CADM2: variants seen among roughly 807,000 people sequenced by gnomAD.
CADM2 encodes the protein immunoglobulin superfamily member 4D.
A neutral mutation model predicts 49.8 loss-of-function variants in CADM2; 12 were observed. The ratio of observed to expected loss-of-function variants is 0.24; its 90% CI spans 0.15 to 0.39. The LOEUF (loss-of-function observed/expected upper bound fraction) is 0.39. Ranked by LOEUF, CADM2 falls within the 10% of genes least tolerant of loss-of-function variation. CADM2 has a pLI of 1.00. For missense variants in CADM2, 378 were observed against 492.3 expected (o/e 0.77, Z 2.20); for synonymous variants, 214 against 175.4 (o/e 1.22, Z -1.74).
intron 5 of CADM2, among the ~76,000 whole-genome samples, chr3:85,910,053 C>A (rs1317686979): frequency 6.6e-6 from 1 of 152,082 alleles, no homozygotes; most frequent in Non-Finnish European, 1.5e-5. Flanking sequence ...TGAATTAGTT[C>A]ATTAAAATTT....
At chr3:85,500,655 C>G (rs973313995) in intron 1 of CADM2, among the ~76,000 whole-genome samples, 3 of 151,842 alleles carry the variant, frequency 2.0e-5, no homozygotes, top group African/African-American at 7.3e-5. Context: ...GTAGCTAGGA[C>G]TACAGGTGCC....
chr3:86,016,994 T>A (rs937510939), intron 8 of CADM2, among the ~76,000 whole-genome samples: 1 of 151,818 alleles, frequency 6.6e-6, no homozygotes, highest in Non-Finnish European at 1.5e-5. Flanking sequence ...AAGAAGAAAA[T>A]CAATCCAATA....
rs528996526 is a variant in CADM2 at position 85,168,661 on chromosome 3, G to A, written c.61+208993G>A. Among the ~76,000 whole-genome samples the A allele has an allele frequency of 2.0e-5, 3 of 152,188 alleles. No homozygotes were observed. In the South Asian group the frequency reaches 6.2e-4, roughly 32 times the overall value. On this transcript the variant is annotated intron_variant, in intron 1 of 9. Coordinates refer to ENST00000383699, the MANE Select transcript of CADM2 (RefSeq NM_001167675.2). Reference sequence around the variant, plus strand: ...TATCTAATCTGTAATTTGCCATGGTGATACTTTCACCCAAGCCAATATATA... The same window carrying A: ...TATCTAATCTGTAATTTGCCATGGTAATACTTTCACCCAAGCCAATATATA...
At chr3:85,289,713 TA>T (rs1478845098) in intron 1 of CADM2, among the ~76,000 whole-genome samples, 1 of 152,128 alleles carries the variant, frequency 6.6e-6, no homozygotes, top group Non-Finnish European at 1.5e-5. Flanking sequence ...TAAAATTTAT[TA>T]AAAAAATTGC....
At chr3:85,345,119 C>A (rs2030450820) in intron 1 of CADM2, among the ~76,000 whole-genome samples, 1 of 151,658 alleles carries the variant, frequency 6.6e-6, no homozygotes, top group African/African-American at 2.4e-5. Flanking sequence ...AGTTCGAGAG[C>A]AGCCTGGACA....
chr3:85,132,999 G>C (rs1018582267), intron 1 of CADM2, among the ~76,000 whole-genome samples: 2 of 152,094 alleles, frequency 1.3e-5, no homozygotes, highest in Non-Finnish European at 2.9e-5. Context: ...TTCGTGGTCT[G>C]GCTGGCTCAG....
chr3:84,961,137 C>A (rs2030468120), intron 1 of CADM2, among the ~76,000 whole-genome samples: 1 of 152,110 alleles, frequency 6.6e-6, no homozygotes, highest in Admixed American at 6.5e-5. Flanking sequence ...CACGTAGACT[C>A]ACTGGCGTGC....
intron 1 of CADM2, among the ~76,000 whole-genome samples, chr3:85,065,285 A>C (rs1159224024): frequency 6.6e-6 from 1 of 152,116 alleles, no homozygotes; most frequent in Non-Finnish European, 1.5e-5. Flanking sequence ...TTCTTAAAAA[A>C]CAATTATTTT....
At chr3:85,415,978 A>G (rs563392778) in intron 1 of CADM2, among the ~76,000 whole-genome samples, 13 of 152,260 alleles carry the variant, frequency 8.5e-5, no homozygotes, top group African/African-American at 3.1e-4. Flanking sequence ...AGTAATGCCA[A>G]TGCAATTTAG....
chr3:85,234,558 A>T (rs1373591769), intron 1 of CADM2, among the ~76,000 whole-genome samples: 2 of 152,122 alleles, frequency 1.3e-5, no homozygotes, highest in African/African-American at 4.8e-5. Flanking sequence ...TGTATGTATA[A>T]ATATGTAGTC....
At chr3:85,062,144 C>T (rs1321875616) in intron 1 of CADM2, among the ~76,000 whole-genome samples, 1 of 151,228 alleles carries the variant, frequency 6.6e-6, no homozygotes, top group African/African-American at 2.4e-5. Flanking sequence ...CTCTTGCTTC[C>T]GGTACACAAC....
rs1158119603 is a variant in CADM2 at position 85,606,187 on chromosome 3, AT to A, written c.62-120333del. ...TAATCCCTACTTTATATAAAAGGAA[AT>A]TGTGGAGCTGTTAACTCAATGAGTG... On this transcript the variant is annotated intron_variant, in intron 1 of 9. Coordinates refer to ENST00000383699, the MANE Select transcript of CADM2 (RefSeq NM_001167675.2). Among the ~76,000 whole-genome samples the A allele has an allele frequency of 2.6e-5, 4 of 152,254 alleles. No individual in the cohort carries two copies. In the East Asian group the frequency reaches 7.7e-4, roughly 29 times the overall value.
chr3:85,103,547 A>C (rs1343668475), intron 1 of CADM2, among the ~76,000 whole-genome samples: 1 of 152,196 alleles, frequency 6.6e-6, no homozygotes, highest in Non-Finnish European at 1.5e-5. Flanking sequence ...TTACACTGTA[A>C]CTTGCCAAAT....
chr3:85,886,233 T>A lies in CADM2; in HGVS notation c.435T>A (p.Val145=). 3 of 1,613,932 alleles carry A rather than the reference T, an allele frequency of 1.9e-6. No individual in the cohort carries two copies. The part of the protein sequence containing the change: ...KPQISGFSSP[V]MEGDLMQLTC... ...AGATTAGTGGATTCTCATCACCAGTTATGGAGGGTGACTTGATGCAGCTGA... is the reference window on the plus strand; with the variant it reads ...AGATTAGTGGATTCTCATCACCAGTAATGGAGGGTGACTTGATGCAGCTGA... The change falls in exon 5 of 10, where the codon GTT becomes GTA. Residue 145 remains valine (V), a synonymous_variant. Coordinates refer to ENST00000383699, the MANE Select transcript of CADM2 (RefSeq NM_001167675.2).
intron 8 of CADM2, among the ~76,000 whole-genome samples, chr3:86,002,455 T>C (rs1577915993): frequency 1.3e-5 from 2 of 152,114 alleles, no homozygotes; most frequent in African/African-American, 4.8e-5. Flanking sequence ...AATTCTATTG[T>C]GCCACCCTAG....
intron 2 of CADM2, among the ~76,000 whole-genome samples, chr3:85,740,183 T>C (rs1577202568): frequency 6.6e-6 from 1 of 152,304 alleles, no homozygotes; most frequent in African/African-American, 2.4e-5. Flanking sequence ...CTAAGGAATT[T>C]GGTAAACAAG....
At chr3:85,431,425 C>A (rs2036658158) in intron 1 of CADM2, among the ~76,000 whole-genome samples, 1 of 152,090 alleles carries the variant, frequency 6.6e-6, no homozygotes, top group Non-Finnish European at 1.5e-5. Context: ...ATCTCCTGCT[C>A]TGCAAAATTA....
intron 1 of CADM2, among the ~76,000 whole-genome samples, chr3:84,978,456 A>G (rs2031967071): frequency 6.6e-6 from 1 of 152,184 alleles, no homozygotes; most frequent in African/African-American, 2.4e-5. Flanking sequence ...TAATATTAGT[A>G]ATGATTGAGT....
intron 6 of CADM2, among the ~76,000 whole-genome samples, chr3:85,934,365 G>T (rs1044522008): frequency 1.3e-5 from 2 of 152,116 alleles, no homozygotes; most frequent in East Asian, 3.9e-4. Flanking sequence ...TGATTCCATA[G>T]ATGTGCTGAT....
Sources: gnomAD v4.1 joint callset for allele counts (sites outside exome capture counted in the v4.1 genomes callset) on GRCh38, gnomAD v4.1.1 for gene constraint, MANE v1.5 for transcripts, NCBI Gene and HGNC (gene_info 2026-07-23, HGNC 2026-07-21) for gene names.